Variants in ATP8B4 observed in about 807,000 individuals in gnomAD.
ATP8B4 encodes the protein ATPase phospholipid transporting 8B4 (putative).
Under a neutral mutation model 145.6 loss-of-function variants are expected in ATP8B4, and 133 were observed. That is an observed-to-expected ratio of 0.91 (90% CI 0.79 to 1.05). The LOEUF (loss-of-function observed/expected upper bound fraction) is 1.05, where lower values mean the gene tolerates loss of function less well. Ranked by LOEUF, ATP8B4 falls within the 50% of genes least tolerant of loss-of-function variation. The pLI is 0.00. For missense variants in ATP8B4, 1,458 were observed against 1,425.2 expected (o/e 1.02, Z -0.37); for synonymous variants, 507 against 492.9 (o/e 1.03, Z -0.38).
At chr15:49,862,656 C>T (rs1251019926) in intron 26 of ATP8B4, among the ~76,000 whole-genome samples, 1 of 152,096 alleles carries the variant, frequency 6.6e-6, no homozygotes, top group East Asian at 1.9e-4. Context: ...GGCAGGGTTT[C>T]ACCATGTTAG....
intron 20 of ATP8B4, among the ~76,000 whole-genome samples, chr15:49,906,052 AAATATC>A (rs1449029512): frequency 1.3e-5 from 2 of 152,322 alleles, no homozygotes; most frequent in African/African-American, 4.8e-5. Context: ...CATTTAACAA[AAATATC>A]ATGGGCATTT....
intron 23 of ATP8B4, among the ~76,000 whole-genome samples, chr15:49,891,167 A>G (rs1213399619): frequency 6.6e-6 from 1 of 151,740 alleles, no homozygotes; most frequent in Non-Finnish European, 1.5e-5. Context: ...CTAGAATTTC[A>G]GGCCTTCAGA....
At chr15:50,047,207 A>T in intron 4 of ATP8B4, 144 bp downstream of exon 4, 1 of 602,074 alleles carries the variant, frequency 1.7e-6, no homozygotes, top group Non-Finnish European at 2.9e-6. Flanking sequence ...TTGTGAAAAG[A>T]AACAGCAACA....
At chr15:49,962,762 T>C (rs1452331842) in intron 13 of ATP8B4, among the ~76,000 whole-genome samples, 1 of 152,220 alleles carries the variant, frequency 6.6e-6, no homozygotes, top group African/African-American at 2.4e-5. Context: ...AGTATGAGAA[T>C]TTCTCCTATC....
intron 22 of ATP8B4, 83 bp from the exon 23 acceptor site, chr15:49,897,598 G>A (rs149243525): frequency 4.6e-4 from 559 of 1,219,526 alleles, no homozygotes; most frequent in Admixed American, 9.1e-4. Flanking sequence ...TTTTATTTAC[G>A]GAAAACTTAC....
intron 2 of ATP8B4, among the ~76,000 whole-genome samples, chr15:50,094,839 T>C (rs1164109559): frequency 6.6e-6 from 1 of 151,746 alleles, no homozygotes; most frequent in Non-Finnish European, 1.5e-5. Context: ...CCTTTCATGG[T>C]TTTTCTGCCT....
At chr15:50,014,905 G>C (rs902722701) in intron 6 of ATP8B4, among the ~76,000 whole-genome samples, 1 of 152,256 alleles carries the variant, frequency 6.6e-6, no homozygotes, top group South Asian at 2.1e-4. Flanking sequence ...TTTGAAAACT[G>C]ATCCTACAGG....
intron 3 of ATP8B4, among the ~76,000 whole-genome samples, chr15:50,065,306 G>C (rs2053305438): frequency 6.6e-6 from 1 of 152,122 alleles, no homozygotes; most frequent in African/African-American, 2.4e-5. Flanking sequence ...CATAATAGTG[G>C]ACATGAAGTT....
chr15:50,107,285 A>G (rs536368390), intron 1 of ATP8B4, among the ~76,000 whole-genome samples: 1 of 152,176 alleles, frequency 6.6e-6, no homozygotes, highest in East Asian at 1.9e-4. Flanking sequence ...ATATATCTCA[A>G]ATCCTGTGAA....
At chr15:50,068,206 A>G (rs1355408660) in intron 3 of ATP8B4, among the ~76,000 whole-genome samples, 1 of 152,214 alleles carries the variant, frequency 6.6e-6, no homozygotes, top group Non-Finnish European at 1.5e-5. Flanking sequence ...GGAAACGTAC[A>G]AAGTCCTATT....
intron 14 of ATP8B4, among the ~76,000 whole-genome samples, chr15:49,942,717 C>T (rs1466237864): frequency 1.3e-5 from 2 of 151,770 alleles, no homozygotes; most frequent in Middle Eastern, 3.2e-3. Context: ...CCCAGCTACT[C>T]GGGAGGCTGA....
chr15:50,002,751 G>T (rs1264828885), intron 7 of ATP8B4, among the ~76,000 whole-genome samples: 1 of 152,050 alleles, frequency 6.6e-6, no homozygotes, highest in Admixed American at 6.6e-5. Context: ...ATGGTAGGGA[G>T]TAAGAAAGAG....
intron 1 of ATP8B4, among the ~76,000 whole-genome samples, chr15:50,161,046 G>A (rs2044510788): frequency 1.3e-5 from 2 of 151,964 alleles, no homozygotes; most frequent in African/African-American, 4.8e-5. Context: ...ATGTATCTGG[G>A]TACTCCAGTG....
intron 26 of ATP8B4, among the ~76,000 whole-genome samples, chr15:49,864,938 GTCT>G (rs1265741599): frequency 7.9e-5 from 12 of 152,132 alleles, no homozygotes; most frequent in Admixed American, 1.3e-4. Flanking sequence ...TGTATGTTTG[GTCT>G]TCTTCTCTGT....
chr15:49,877,201 A>T (rs1397862358), intron 24 of ATP8B4, among the ~76,000 whole-genome samples: 1 of 152,176 alleles, frequency 6.6e-6, no homozygotes. Flanking sequence ...AGAGAAACTA[A>T]ATGCTTATCA....
intron 23 of ATP8B4, among the ~76,000 whole-genome samples, chr15:49,885,364 T>C (rs1163547334): frequency 2.0e-5 from 3 of 152,206 alleles, no homozygotes; most frequent in Non-Finnish European, 4.4e-5. Flanking sequence ...ATTACCAAGT[T>C]CTTTCTTAAC....
At chr15:50,169,162 G>A (rs1027679294) in intron 1 of ATP8B4, among the ~76,000 whole-genome samples, 10 of 152,150 alleles carry the variant, frequency 6.6e-5, no homozygotes, top group Non-Finnish European at 1.2e-4. Context: ...CCACCAGTCC[G>A]TCTCCACACT....
At chr15:50,059,472 G>T (rs139254098) in intron 3 of ATP8B4, among the ~76,000 whole-genome samples, 122 of 152,226 alleles carry the variant, frequency 8.0e-4, no homozygotes, top group African/African-American at 2.2e-3. Flanking sequence ...AACTGTTAAC[G>T]TACAAAACTG....
At chr15:50,114,205 A>G (rs376241304) in intron 1 of ATP8B4, among the ~76,000 whole-genome samples, 1 of 134,970 alleles carries the variant, frequency 7.4e-6, no homozygotes, top group Non-Finnish European at 1.5e-5. Flanking sequence ...ATTTTGGTGC[A>G]CCCATCACAT....
Sources: gnomAD v4.1 joint callset for allele counts (sites outside exome capture counted in the v4.1 genomes callset) on GRCh38, gnomAD v4.1.1 for gene constraint, MANE v1.5 for transcripts, NCBI Gene and HGNC (gene_info 2026-07-23, HGNC 2026-07-21) for gene names.